Variants in ARFGEF1 observed in about 807,000 individuals in gnomAD.
ARFGEF1 encodes the protein brefeldin A-inhibited guanine nucleotide-exchange protein 1.
In ARFGEF1, 42 loss-of-function variants were observed where a neutral mutation model predicts 231.0. That is an observed-to-expected ratio of 0.18 (90% confidence interval 0.14 to 0.24). The LOEUF (loss-of-function observed/expected upper bound fraction) is 0.24. Ranked by LOEUF, ARFGEF1 falls within the 10% of genes least tolerant of loss-of-function variation. The pLI, the probability that ARFGEF1 is intolerant of heterozygous loss-of-function variation, is 1.00. For missense variants in ARFGEF1, 1,345 were observed against 2,192.0 expected (o/e 0.61, Z 7.72); for synonymous variants, 710 against 732.3 (o/e 0.97, Z 0.49).
intron 38 of ARFGEF1, chr8:67,200,185 G>A: frequency 1.6e-6 from 1 of 610,362 alleles, no homozygotes; most frequent in Non-Finnish European, 3.1e-6. Flanking sequence ...CTAGAGAACT[G>A]CTAATTAGTG....
chr8:67,245,127 G>C (rs901133100), intron 19 of ARFGEF1, among the ~76,000 whole-genome samples: 2 of 150,510 alleles, frequency 1.3e-5, no homozygotes, highest in Non-Finnish European at 2.9e-5. Context: ...CATATCTGGT[G>C]AAACTATCCT....
chr8:67,343,032 G>T, intron 1 of ARFGEF1, 132 bp downstream of exon 1: 2 of 1,061,866 alleles, frequency 1.9e-6, no homozygotes, highest in Non-Finnish European at 2.7e-6. Flanking sequence ...GGGAACAGAG[G>T]GCTCCGCGAG....
intron 19 of ARFGEF1, among the ~76,000 whole-genome samples, chr8:67,241,743 GA>G (rs1839935896): frequency 6.6e-6 from 1 of 152,064 alleles, no homozygotes; most frequent in African/African-American, 2.4e-5. Flanking sequence ...ACCTTCATAA[GA>G]ACCGAGAAAC....
chr8:67,177,461 CTTG>C (rs1831970932), intron 5 of ARFGEF1, among the ~76,000 whole-genome samples: 1 of 152,124 alleles, frequency 6.6e-6, no homozygotes, highest in Non-Finnish European at 1.5e-5. Context: ...AATGATTTTA[CTTG>C]TTATGTTCAT....
rs551915488 is a variant in ARFGEF1 at position 67,330,114 on chromosome 8, A to C, written c.124+13050T>G. On this transcript the variant is annotated intron_variant, in intron 1 of 38. Coordinates refer to ENST00000262215, the MANE Select transcript of ARFGEF1 (RefSeq NM_006421.5). ...CAAGAAAAAGCAATCAAACAAAAAGAACTATAATAGTGACAATTTTGAGAA... is the reference window on the plus strand; with the variant it reads ...CAAGAAAAAGCAATCAAACAAAAAGCACTATAATAGTGACAATTTTGAGAA... Among the ~76,000 whole-genome samples the C allele has an allele frequency of 2.0e-5, 3 of 152,246 alleles. No homozygotes were observed. The South Asian group carries it at 6.2e-4, about 32-fold the overall frequency.
chr8:67,234,726 A>G (rs1044036082), intron 22 of ARFGEF1, among the ~76,000 whole-genome samples: 1 of 152,168 alleles, frequency 6.6e-6, no homozygotes, highest in Non-Finnish European at 1.5e-5. Flanking sequence ...TAGAAGATTG[A>G]TATGATCTAA....
rs750064914 is a variant in ARFGEF1 at position 67,343,158 on chromosome 8, G to A, written c.124+6C>T. The stretch of plus-strand genomic sequence containing the variant: ...ACCCCATCCCCCGGGCCTCCTCCCC[G>A]CTCACCTAACGCCACCTCGCAAGCT... On this transcript the variant is annotated splice_donor_region_variant and intron_variant, in intron 1 of 38. Coordinates refer to ENST00000262215, the MANE Select transcript of ARFGEF1 (RefSeq NM_006421.5). The A allele has an allele frequency of 1.0e-6, 1 of 952,616 alleles. No homozygotes were observed. 59.0% of individuals were successfully genotyped at this position (952,616 alleles called of 1,614,324 possible).
At chr8:67,176,940 G>A (rs546494687) in intron 5 of ARFGEF1, among the ~76,000 whole-genome samples, 6 of 152,040 alleles carry the variant, frequency 3.9e-5, no homozygotes, top group African/African-American at 1.4e-4. Context: ...GCATGGAGGC[G>A]TGTGCCTGTA....
At chr8:67,190,764 G>C in intron 5 of ARFGEF1, 1 of 1,588,028 alleles carries the variant, frequency 6.3e-7, no homozygotes, top group South Asian at 1.1e-5. Context: ...GACATTGTAT[G>C]TATGAGACTT....
At chr8:67,342,341 A>G (rs1808677400) in intron 1 of ARFGEF1, among the ~76,000 whole-genome samples, 1 of 152,186 alleles carries the variant, frequency 6.6e-6, no homozygotes, top group Admixed American at 6.5e-5. Context: ...GGGCTTCATT[A>G]CACTAGATCT....
In ARFGEF1 at chr8:67,198,504, CAATA is replaced by C. The variant is rs1220303431; in HGVS notation, c.*426_*429del. On this transcript the variant is annotated 3_prime_UTR_variant, in exon 39 of 39. Coordinates refer to ENST00000262215, the MANE Select transcript of ARFGEF1 (RefSeq NM_006421.5). Reference sequence around the variant, plus strand: ...GTTGCTAAATATCTTTTACCATGAACAATAATTTCTTCTTCTCTCCCCACTCCCC... The same window carrying C: ...GTTGCTAAATATCTTTTACCATGAACATTTCTTCTTCTCTCCCCACTCCCC... 1.0e-6 allele frequency: 1 copy of C among 989,604 alleles called. No individual in the cohort carries two copies. 61.3% of individuals were successfully genotyped at this position (989,604 alleles called of 1,614,324 possible). A position where few individuals can be genotyped will look rare whatever the true frequency, so the allele number is the denominator to read the frequency against.
intron 10 of ARFGEF1, among the ~76,000 whole-genome samples, chr8:67,271,045 G>GAAAAAAAAAAAAAAA (rs1563878469): frequency 4.6e-4 from 32 of 69,612 alleles, no homozygotes; most frequent in East Asian, 7.7e-4. Flanking sequence ...AAAAAAAAAG[G>GAAAAAAAAAAAAAAA]AAAAAGAAAA....
At chr8:67,225,903 G>T in intron 28 of ARFGEF1, 120 bp downstream of exon 28, 2 of 1,030,748 alleles carry the variant, frequency 1.9e-6, no homozygotes, top group Non-Finnish European at 2.7e-6. Context: ...AGGCTGCTCA[G>T]ATTATTTTTC....
intron 18 of ARFGEF1, among the ~76,000 whole-genome samples, chr8:67,251,922 A>G (rs1034784165): frequency 1.3e-5 from 2 of 152,208 alleles, no homozygotes; most frequent in African/African-American, 2.4e-5. Context: ...GAATACAATT[A>G]TCAGGGAAAC....
chr8:67,208,464 T>C (rs1838599577), intron 34 of ARFGEF1, among the ~76,000 whole-genome samples: 2 of 151,870 alleles, frequency 1.3e-5, no homozygotes, highest in Non-Finnish European at 2.9e-5. Flanking sequence ...ACCCCATCTC[T>C]ACTAAAAATC....
At chr8:67,326,551 G>T (rs1436421823) in intron 1 of ARFGEF1, among the ~76,000 whole-genome samples, 2 of 152,204 alleles carry the variant, frequency 1.3e-5, no homozygotes, top group African/African-American at 4.8e-5. Flanking sequence ...TGAAGCTAAG[G>T]CTTGTGTTTT....
intron 34 of ARFGEF1, among the ~76,000 whole-genome samples, chr8:67,209,921 G>T (rs1328319837): frequency 6.6e-6 from 1 of 152,018 alleles, no homozygotes; most frequent in Admixed American, 6.5e-5. Context: ...GGGAGGCCAA[G>T]CCGGGTGGAT....
chr8:67,251,209 T>A (rs575808393), intron 19 of ARFGEF1, 90 bp downstream of exon 19: 4 of 1,226,414 alleles, frequency 3.3e-6, no homozygotes, highest in African/African-American at 3.1e-5. Context: ...ATGTGTTATA[T>A]CACTGTATCG....
intron 5 of ARFGEF1, among the ~76,000 whole-genome samples, chr8:67,182,613 A>G (rs1375851818): frequency 6.6e-6 from 1 of 152,218 alleles, no homozygotes; most frequent in African/African-American, 2.4e-5. Flanking sequence ...AGCAGTGCAC[A>G]AAAGTTCCGA....
Sources: gnomAD v4.1 joint callset for allele counts (sites outside exome capture counted in the v4.1 genomes callset) on GRCh38, gnomAD v4.1.1 for gene constraint, MANE v1.5 for transcripts, NCBI Gene and HGNC (gene_info 2026-07-23, HGNC 2026-07-21) for gene names.